Variants in PCDH15 observed in about 807,000 individuals in gnomAD.
PCDH15 encodes the protein protocadherin related 15, also known as protocadherin-15.
Under a neutral mutation model 178.5 loss-of-function variants are expected in PCDH15, and 129 were observed. The ratio of observed to expected loss-of-function variants is 0.72; its 90% CI spans 0.63 to 0.84. The LOEUF (loss-of-function observed/expected upper bound fraction) is 0.84. Ranked by LOEUF, PCDH15 falls within the 40% of genes least tolerant of loss-of-function variation. PCDH15 has a pLI of 0.00. For missense variants in PCDH15, 2,230 were observed against 2,099.9 expected (o/e 1.06, Z -1.21); for synonymous variants, 800 against 732.0 (o/e 1.09, Z -1.50).
chr10:54,331,164 G>GA (rs35144203), intron 6 of PCDH15, among the ~76,000 whole-genome samples: 19 of 148,816 alleles, frequency 1.3e-4, no homozygotes, highest in Admixed American at 2.7e-4. Flanking sequence ...TAAACTCAAT[G>GA]AAAAAAAAAA....
intron 20 of PCDH15, among the ~76,000 whole-genome samples, chr10:54,014,650 A>G (rs959130413): frequency 7.2e-5 from 11 of 152,204 alleles, no homozygotes; most frequent in African/African-American, 2.7e-4. Flanking sequence ...AACAGGACTA[A>G]AAACAAAAAC....
At chr10:55,187,950 A>G (rs1839842038) in intron 1 of PCDH15, among the ~76,000 whole-genome samples, 1 of 151,944 alleles carries the variant, frequency 6.6e-6, no homozygotes, top group African/African-American at 2.4e-5. Context: ...GCAGGCAGTC[A>G]AGAGCAGAAG....
intron 2 of PCDH15, among the ~76,000 whole-genome samples, chr10:54,898,061 T>C (rs575943831): frequency 6.6e-6 from 1 of 152,264 alleles, no homozygotes; most frequent in South Asian, 2.1e-4. Context: ...AGATCCCTCA[T>C]GGCCTGGTGC....
chr10:55,117,435 GA>G (rs1837654092), intron 2 of PCDH15, among the ~76,000 whole-genome samples: 1 of 152,122 alleles, frequency 6.6e-6, no homozygotes, highest in Non-Finnish European at 1.5e-5. Flanking sequence ...TAGGCCAAAG[GA>G]AAACAAGAGT....
At chr10:55,160,845 A>T (rs1839047497) in intron 2 of PCDH15, among the ~76,000 whole-genome samples, 1 of 152,104 alleles carries the variant, frequency 6.6e-6, no homozygotes, top group Non-Finnish European at 1.5e-5. Flanking sequence ...TACTCTTTAC[A>T]AGCTTATCTA....
intron 28 of PCDH15, among the ~76,000 whole-genome samples, chr10:53,844,450 C>T (rs1335057291): frequency 6.6e-6 from 1 of 151,946 alleles, no homozygotes. Context: ...ATAAGCAAAA[C>T]TTTGACCAAA....
At chr10:54,987,597 C>T (rs1358980306) in intron 2 of PCDH15, among the ~76,000 whole-genome samples, 1 of 151,842 alleles carries the variant, frequency 6.6e-6, no homozygotes, top group African/African-American at 2.4e-5. Flanking sequence ...GGTTTTATTT[C>T]CATTTCTCTA....
At chr10:54,258,956 G>T (rs1284296261) in intron 8 of PCDH15, among the ~76,000 whole-genome samples, 1 of 152,006 alleles carries the variant, frequency 6.6e-6, no homozygotes, top group Non-Finnish European at 1.5e-5. Context: ...TTCAATATGA[G>T]CAAATAAGTT....
intron 5 of PCDH15, among the ~76,000 whole-genome samples, chr10:54,363,016 G>C (rs1041276661): frequency 6.6e-6 from 1 of 151,922 alleles, no homozygotes; most frequent in Non-Finnish European, 1.5e-5. Context: ...GCAAACTCTT[G>C]CTTTCTATCT....
chr10:54,782,740 C>A (rs539105506), intron 1 of PCDH15, among the ~76,000 whole-genome samples: 140 of 152,200 alleles, frequency 9.2e-4, no homozygotes, highest in African/African-American at 3.2e-3. Flanking sequence ...GTCCCCAACA[C>A]ATCCAGTGGT....
intron 1 of PCDH15, among the ~76,000 whole-genome samples, chr10:54,665,182 A>G (rs903586954): frequency 3.3e-5 from 5 of 151,890 alleles, no homozygotes; most frequent in Non-Finnish European, 1.5e-5. Flanking sequence ...GACAATAGTG[A>G]TGGTAGAGGC....
chr10:54,076,166 T>A (rs2094338516), intron 17 of PCDH15, among the ~76,000 whole-genome samples: 1 of 152,158 alleles, frequency 6.6e-6, no homozygotes, highest in African/African-American at 2.4e-5. Context: ...ATTATACAAG[T>A]CTTTTATCTC....
intron 2 of PCDH15, among the ~76,000 whole-genome samples, chr10:55,359,664 G>C (rs1372366128): frequency 1.4e-5 from 2 of 145,320 alleles, no homozygotes; most frequent in African/African-American, 5.1e-5. Flanking sequence ...CAATCACCAA[G>C]ATATATATTC....
intron 1 of PCDH15, among the ~76,000 whole-genome samples, chr10:55,268,499 T>C (rs927891167): frequency 5.3e-5 from 8 of 152,188 alleles, no homozygotes; most frequent in Non-Finnish European, 7.4e-5. Context: ...TTGTTGACAA[T>C]GGTTGCTTTC....
intron 8 of PCDH15, among the ~76,000 whole-genome samples, chr10:54,312,723 C>A (rs2060987816): frequency 6.6e-6 from 1 of 152,058 alleles, no homozygotes. Flanking sequence ...GAAAGTGGCA[C>A]CCAGCCCTCA....
intron 25 of PCDH15, among the ~76,000 whole-genome samples, chr10:53,934,471 G>A (rs918182744): frequency 1.3e-5 from 2 of 151,992 alleles, no homozygotes; most frequent in African/African-American, 4.8e-5. Flanking sequence ...GGTGGCAGGC[G>A]CCTGTAGTCC....
At chr10:54,150,809 C>T (rs971139637) in intron 14 of PCDH15, among the ~76,000 whole-genome samples, 2 of 151,836 alleles carry the variant, frequency 1.3e-5, no homozygotes, top group Admixed American at 6.6e-5. Flanking sequence ...GACAACTATA[C>T]ATAATCTTGA....
intron 10 of PCDH15, among the ~76,000 whole-genome samples, chr10:54,203,973 A>C (rs565182807): frequency 6.6e-6 from 1 of 152,202 alleles, no homozygotes; most frequent in Non-Finnish European, 1.5e-5. Flanking sequence ...TTATGGATAG[A>C]AATTGCATTT....
At chr10:53,878,181 G>GTA (rs1554840948) in intron 26 of PCDH15, among the ~76,000 whole-genome samples, 1 of 124,938 alleles carries the variant, frequency 8.0e-6, no homozygotes, top group Non-Finnish European at 1.6e-5. Flanking sequence ...CTATACTATG[G>GTA]CACACACACA....
Sources: allele counts gnomAD v4.1 joint callset (sites outside exome capture counted in the v4.1 genomes callset), GRCh38; gene constraint gnomAD v4.1.1; transcripts MANE v1.5; gene names NCBI Gene and HGNC (gene_info 2026-07-23, HGNC 2026-07-21).